Variants in CCSER1 observed in about 807,000 individuals in gnomAD.
CCSER1 encodes the protein coiled-coil serine rich protein 1.
A neutral mutation model predicts 82.0 loss-of-function variants in CCSER1; 41 were observed. That is an observed-to-expected ratio of 0.50 (90% CI 0.39 to 0.65). The LOEUF (loss-of-function observed/expected upper bound fraction) is 0.65. CCSER1 is among the 30% of genes least tolerant of loss of function. The pLI is 0.00. For synonymous variants in CCSER1, 414 were observed against 383.9 expected (o/e 1.08, Z -0.92); for missense variants, 1,119 against 1,064.2 (o/e 1.05, Z -0.72).
At chr4:91,377,178 T>C (rs1750485260) in intron 10 of CCSER1, among the ~76,000 whole-genome samples, 1 of 152,156 alleles carries the variant, frequency 6.6e-6, no homozygotes, top group Non-Finnish European at 1.5e-5. Context: ...GTTCCAAGTC[T>C]TTGCTATTGT....
chr4:90,941,679 T>G (rs1731599589), intron 9 of CCSER1, among the ~76,000 whole-genome samples: 1 of 152,166 alleles, frequency 6.6e-6, no homozygotes, highest in South Asian at 2.1e-4. Flanking sequence ...ATAATCACTC[T>G]CTCTAAAACA....
chr4:90,656,852 G>C (rs1369805803), intron 6 of CCSER1, among the ~76,000 whole-genome samples: 1 of 151,632 alleles, frequency 6.6e-6, no homozygotes, highest in Non-Finnish European at 1.5e-5. Context: ...GTATATCTTT[G>C]ACCTGGAGAA....
intron 6 of CCSER1, among the ~76,000 whole-genome samples, chr4:90,669,270 TTAAAA>T (rs764685724): frequency 2.0e-5 from 3 of 152,076 alleles, no homozygotes; most frequent in Non-Finnish European, 4.4e-5. Context: ...CATTTTTCTC[TTAAAA>T]TAAAAACTTA....
At chr4:90,315,558 G>A (rs890213733) in intron 3 of CCSER1, among the ~76,000 whole-genome samples, 1 of 152,100 alleles carries the variant, frequency 6.6e-6, no homozygotes, top group Non-Finnish European at 1.5e-5. Flanking sequence ...AGGCTGGAGT[G>A]CAGTGGTGCA....
At chr4:91,298,020 A>C (rs888669156) in intron 10 of CCSER1, among the ~76,000 whole-genome samples, 1 of 152,010 alleles carries the variant, frequency 6.6e-6, no homozygotes, top group Admixed American at 6.6e-5. Context: ...TAGTGTTAAG[A>C]AGGAAAAAAT....
intron 8 of CCSER1, among the ~76,000 whole-genome samples, chr4:90,920,321 T>C (rs1050112222): frequency 1.3e-5 from 2 of 152,016 alleles, no homozygotes; most frequent in African/African-American, 4.8e-5. Flanking sequence ...AAATCATATT[T>C]TGAAAATTGA....
intron 5 of CCSER1, among the ~76,000 whole-genome samples, chr4:90,498,443 T>G (rs1769357258): frequency 6.6e-6 from 1 of 152,140 alleles, no homozygotes; most frequent in Admixed American, 6.6e-5. Flanking sequence ...AAAAATAAGC[T>G]GAAACACTGA....
chr4:91,207,277 C>G (rs574522526), intron 10 of CCSER1, among the ~76,000 whole-genome samples: 1 of 151,698 alleles, frequency 6.6e-6, no homozygotes, highest in Non-Finnish European at 1.5e-5. Flanking sequence ...GACTCGTGGA[C>G]TTGGTGTACG....
intron 10 of CCSER1, among the ~76,000 whole-genome samples, chr4:91,324,318 C>T (rs1421006240): frequency 1.3e-5 from 2 of 152,032 alleles, no homozygotes; most frequent in African/African-American, 2.4e-5. Flanking sequence ...TGGTAATGTA[C>T]TATTTGTCGG....
chr4:90,908,467 A>AT (rs1474749128), intron 8 of CCSER1, among the ~76,000 whole-genome samples: 5 of 152,158 alleles, frequency 3.3e-5, no homozygotes, highest in Admixed American at 6.6e-5. Context: ...AAAAAGTTTA[A>AT]TTTTTATTAT....
chr4:91,204,500 C>T (rs1736185053), intron 10 of CCSER1, among the ~76,000 whole-genome samples: 1 of 151,880 alleles, frequency 6.6e-6, no homozygotes, highest in Non-Finnish European at 1.5e-5. Flanking sequence ...GTCTTTTCAA[C>T]TGAAACCAAA....
chr4:91,269,330 C>T (rs1310838928), intron 10 of CCSER1, among the ~76,000 whole-genome samples: 1 of 152,202 alleles, frequency 6.6e-6, no homozygotes, highest in African/African-American at 2.4e-5. Flanking sequence ...AAAATGCACA[C>T]ATCTGAATAC....
chr4:91,589,699 C>G (rs183926143), intron 10 of CCSER1, among the ~76,000 whole-genome samples: 92 of 151,604 alleles, frequency 6.1e-4, no homozygotes, highest in African/African-American at 2.2e-3. Context: ...TAACTTAAAT[C>G]TTTAACTCAT....
chr4:91,581,366 AG>A (rs1763717844), intron 10 of CCSER1, among the ~76,000 whole-genome samples: 1 of 151,752 alleles, frequency 6.6e-6, no homozygotes, highest in Non-Finnish European at 1.5e-5. Flanking sequence ...GGGCAGCATT[AG>A]TTGATCAATA....
intron 9 of CCSER1, among the ~76,000 whole-genome samples, chr4:90,979,231 G>A (rs1735886376): frequency 6.6e-6 from 1 of 151,306 alleles, no homozygotes; most frequent in Admixed American, 6.6e-5. Context: ...AAGCCAATTA[G>A]ATACTAATAC....
chr4:90,863,055 C>T (rs111724562), intron 8 of CCSER1, among the ~76,000 whole-genome samples: 3,583 of 151,176 alleles, frequency 0.024, 111 homozygotes, highest in African/African-American at 0.075. Context: ...CATCATTTAG[C>T]ATTAGGTATA....
At chr4:90,361,665 T>C (rs991730260) in intron 3 of CCSER1, among the ~76,000 whole-genome samples, 2 of 152,350 alleles carry the variant, frequency 1.3e-5, no homozygotes, top group Middle Eastern at 3.4e-3. Flanking sequence ...GCCTCTCGTC[T>C]AGCAGTCCCC....
intron 10 of CCSER1, among the ~76,000 whole-genome samples, chr4:91,115,999 TC>T (rs1726557215): frequency 6.6e-6 from 1 of 151,654 alleles, no homozygotes; most frequent in South Asian, 2.1e-4. Flanking sequence ...ATGCTATCCC[TC>T]CCCCCTGTCC....
intron 5 of CCSER1, among the ~76,000 whole-genome samples, chr4:90,502,589 C>T (rs1197906916): frequency 6.6e-6 from 1 of 152,002 alleles, no homozygotes; most frequent in Non-Finnish European, 1.5e-5. Flanking sequence ...GACAATGCCT[C>T]AGGTGGATGT....
Sources: gnomAD v4.1 joint callset for allele counts (sites outside exome capture counted in the v4.1 genomes callset) on GRCh38, gnomAD v4.1.1 for gene constraint, MANE v1.5 for transcripts, NCBI Gene and HGNC (gene_info 2026-07-23, HGNC 2026-07-21) for gene names.